ASTN2: variants seen among roughly 807,000 people sequenced by gnomAD.
The protein encoded by ASTN2 is astrotactin 2, also known as astrotactin-2.
A neutral mutation model predicts 139.8 loss-of-function variants in ASTN2; 54 were observed. The observed-to-expected ratio is 0.39, with a 90% confidence interval of 0.31 to 0.48. ASTN2 has a LOEUF of 0.48. ASTN2 is among the 20% of genes least tolerant of loss of function. ASTN2 has a pLI of 0.95. For synonymous variants in ASTN2, 756 were observed against 719.5 expected (o/e 1.05, Z -0.81); for missense variants, 1,565 against 1,725.1 (o/e 0.91, Z 1.64).
intron 2 of ASTN2, among the ~76,000 whole-genome samples, chr9:117,249,841 T>G (rs2133088838): frequency 6.6e-6 from 1 of 152,254 alleles, no homozygotes; most frequent in East Asian, 1.9e-4. Context: ...CTTATCCTGT[T>G]GCCTTCTTTG....
intron 5 of ASTN2, among the ~76,000 whole-genome samples, chr9:117,041,976 T>G (rs905007524): frequency 6.6e-6 from 1 of 152,136 alleles, no homozygotes; most frequent in East Asian, 1.9e-4. Context: ...GTCTAGTAAA[T>G]AGACAGCCAA....
chr9:116,822,684 C>A (rs1191276832), intron 11 of ASTN2, among the ~76,000 whole-genome samples: 3 of 152,162 alleles, frequency 2.0e-5, no homozygotes, highest in Admixed American at 2.0e-4. Context: ...TCACTAAGCT[C>A]CAGGTTTTAT....
intron 10 of ASTN2, among the ~76,000 whole-genome samples, chr9:116,952,040 G>A (rs1163145751): frequency 2.0e-5 from 3 of 152,154 alleles, no homozygotes; most frequent in Non-Finnish European, 4.4e-5. Context: ...CTATAGCTGA[G>A]AGCAACTGTA....
In ASTN2 at chr9:116,802,172, C is replaced by T. The variant is rs112050238; in HGVS notation, c.2396+3460G>A. Among the ~76,000 whole-genome samples, 767 of 150,828 alleles carry T rather than the reference C, an allele frequency of 5.1e-3. 2 individuals carry two copies. The highest frequency in any genetic ancestry group is 0.017 in the African/African-American group (686 of 41,010). On this transcript the variant is annotated intron_variant, in intron 13 of 22. Transcript: ENST00000313400. ...ACCACTATAGGCTCACTGCAAGCTC[C>T]GCCTCCCGGGTTTACGCCCTTCTCC...
intron 19 of ASTN2, among the ~76,000 whole-genome samples, chr9:116,516,184 T>C (rs1255734535): frequency 6.6e-6 from 1 of 152,174 alleles, no homozygotes; most frequent in Non-Finnish European, 1.5e-5. Flanking sequence ...CATTGACTTA[T>C]CCTGTGTATT....
intron 20 of ASTN2, among the ~76,000 whole-genome samples, chr9:116,482,524 C>A (rs1169249404): frequency 6.6e-6 from 1 of 152,114 alleles, no homozygotes; most frequent in East Asian, 1.9e-4. Context: ...TCCATTCCTG[C>A]CTCAGTGTGC....
rs142398464 is a variant in ASTN2 at position 117,389,845 on chromosome 9, T to C, written c.442+24652A>G. Reference sequence around the variant, plus strand: ...AACAGATACCCAAATGCAATGTGGCTACTGAGTGACAAAAAAAAAAAAAGA... The same window carrying C: ...AACAGATACCCAAATGCAATGTGGCCACTGAGTGACAAAAAAAAAAAAAGA... On this transcript the variant is annotated intron_variant, in intron 1 of 22. Transcript: ENST00000313400. Among the ~76,000 whole-genome samples the C allele has an allele frequency of 4.9e-3, 746 of 150,874 alleles. 10 individuals are homozygous for C. Among genetic ancestry groups the C allele is most frequent in the African/African-American group, 0.018 (718 of 40,782 alleles).
chr9:116,821,563 C>T (rs186312995), intron 11 of ASTN2, among the ~76,000 whole-genome samples: 1 of 152,270 alleles, frequency 6.6e-6, no homozygotes, highest in Non-Finnish European at 1.5e-5. Flanking sequence ...TCAAAACCAT[C>T]CTCCAAATGG....
chr9:117,260,625 T>C (rs1307098789), intron 2 of ASTN2, among the ~76,000 whole-genome samples: 1 of 152,218 alleles, frequency 6.6e-6, no homozygotes, highest in Non-Finnish European at 1.5e-5. Flanking sequence ...TCTTTGAATG[T>C]AGTCACCAAG....
chr9:117,264,042 C>T (rs1833886297), intron 2 of ASTN2, among the ~76,000 whole-genome samples: 1 of 151,322 alleles, frequency 6.6e-6, no homozygotes, highest in Non-Finnish European at 1.5e-5. Flanking sequence ...GACCTGGTCT[C>T]AAAATAAATA....
At chr9:116,928,595 C>T (rs1834820112) in intron 10 of ASTN2, among the ~76,000 whole-genome samples, 1 of 152,074 alleles carries the variant, frequency 6.6e-6, no homozygotes, top group South Asian at 2.1e-4. Flanking sequence ...ATAAATCATA[C>T]ACTCCATGAG....
intron 16 of ASTN2, among the ~76,000 whole-genome samples, chr9:116,669,843 T>C (rs1859085003): frequency 6.6e-6 from 1 of 151,752 alleles, no homozygotes; most frequent in African/African-American, 2.4e-5. Context: ...TCTTGCTCTG[T>C]CACCCAGTCT....
intron 7 of ASTN2, among the ~76,000 whole-genome samples, chr9:116,982,010 T>C (rs1486945072): frequency 6.6e-6 from 1 of 152,190 alleles, no homozygotes; most frequent in Non-Finnish European, 1.5e-5. Flanking sequence ...TTTTCTATGT[T>C]ATATGCATTC....
intron 10 of ASTN2, among the ~76,000 whole-genome samples, chr9:116,923,856 A>G (rs537757052): frequency 6.6e-6 from 1 of 152,270 alleles, no homozygotes; most frequent in African/African-American, 2.4e-5. Context: ...GGAACTCACC[A>G]CTTCAGTGTT....
intron 17 of ASTN2, among the ~76,000 whole-genome samples, chr9:116,641,738 G>T (rs548091849): frequency 1.3e-5 from 2 of 152,224 alleles, no homozygotes; most frequent in South Asian, 4.1e-4. Flanking sequence ...CAGGTCCCAT[G>T]AAAGAGCTAT....
chr9:117,307,104 G>A (rs1007795987), intron 1 of ASTN2, among the ~76,000 whole-genome samples: 2 of 152,178 alleles, frequency 1.3e-5, no homozygotes, highest in Non-Finnish European at 2.9e-5. Flanking sequence ...AAACCCCTGT[G>A]AAAATGTTCA....
chr9:117,374,790 G>A (rs1406689618), intron 1 of ASTN2, among the ~76,000 whole-genome samples: 1 of 152,090 alleles, frequency 6.6e-6, no homozygotes, highest in Non-Finnish European at 1.5e-5. Flanking sequence ...TTCTCACCAG[G>A]AGCACCTACC....
intron 16 of ASTN2, among the ~76,000 whole-genome samples, chr9:116,711,759 G>A (rs1828169050): frequency 6.6e-6 from 1 of 152,068 alleles, no homozygotes; most frequent in South Asian, 2.1e-4. Flanking sequence ...CCATCATGAA[G>A]TTCTCATCAT....
At chr9:116,979,613 T>G (rs1167733034) in intron 7 of ASTN2, among the ~76,000 whole-genome samples, 3 of 152,040 alleles carry the variant, frequency 2.0e-5, no homozygotes, top group African/African-American at 7.2e-5. Flanking sequence ...AGATTAAAAG[T>G]CCTGGGATTT....
Sources: gnomAD v4.1 joint callset for allele counts (sites outside exome capture counted in the v4.1 genomes callset) on GRCh38, gnomAD v4.1.1 for gene constraint, MANE v1.5 for transcripts, NCBI Gene and HGNC (gene_info 2026-07-23, HGNC 2026-07-21) for gene names.